FRAS1: variants seen among roughly 807,000 people sequenced by gnomAD.
The protein encoded by FRAS1 is Fraser extracellular matrix complex subunit 1.
In FRAS1, 290 loss-of-function variants were observed where a neutral mutation model predicts 435.2. The ratio of observed to expected loss-of-function variants is 0.67; its 90% CI spans 0.61 to 0.73. FRAS1 has a LOEUF of 0.73. Among genes scored for constraint, FRAS1 ranks in the 30% least tolerant of loss-of-function variants. FRAS1 has a pLI of 0.00. For synonymous variants in FRAS1, 1,800 were observed against 1,851.0 expected, an observed-to-expected ratio of 0.97 and a Z score of 0.71; for missense variants, 4,860 against 5,001.5, an observed-to-expected ratio of 0.97 and a Z score of 0.85.
At chr4:78,129,948 A>G (rs1425303545) in intron 2 of FRAS1, among the ~76,000 whole-genome samples, 1 of 152,030 alleles carries the variant, frequency 6.6e-6, no homozygotes, top group East Asian at 1.9e-4. Flanking sequence ...CCCCAATTTG[A>G]GGCTGCTTCT....
At chr4:78,267,807 G>A (rs1229061413) in intron 9 of FRAS1, among the ~76,000 whole-genome samples, 3 of 152,206 alleles carry the variant, frequency 2.0e-5, no homozygotes, top group Non-Finnish European at 4.4e-5. Context: ...GTGTGCTGGT[G>A]GCCGGGCTCT....
chr4:78,489,356 T>C (rs974063595), intron 59 of FRAS1, among the ~76,000 whole-genome samples: 1 of 152,208 alleles, frequency 6.6e-6, no homozygotes, highest in Non-Finnish European at 1.5e-5. Context: ...TTATGTGTCA[T>C]ATGTATCACA....
chr4:78,476,989 TAA>T (rs11355533), intron 54 of FRAS1, among the ~76,000 whole-genome samples: 113 of 143,222 alleles, frequency 7.9e-4, no homozygotes, highest in East Asian at 4.6e-3. Context: ...TCTTTCTTTT[TAA>T]AAAAAAAAAA....
intron 35 of FRAS1, 49 bp from the exon 36 acceptor site, chr4:78,429,026 GTGTGTGTGTGTGCGTGTCTC>G (rs1734105509): frequency 5.2e-6 from 7 of 1,340,490 alleles, no homozygotes; most frequent in Non-Finnish European, 7.1e-6. Flanking sequence ...AAGTTGATTC[GTGTGTGTGTGTGCGTGTCTC>G]TGTGTGTGTG....
At chr4:78,092,859 A>G (rs964289182) in intron 2 of FRAS1, among the ~76,000 whole-genome samples, 5 of 152,230 alleles carry the variant, frequency 3.3e-5, no homozygotes, top group African/African-American at 1.2e-4. Context: ...TAACTCCTGC[A>G]AATCCTCACA....
intron 42 of FRAS1, 97 bp downstream of exon 42, chr4:78,445,809 T>G: frequency 6.9e-7 from 1 of 1,453,100 alleles, no homozygotes; most frequent in South Asian, 1.7e-5. Context: ...CAAAGAAGAT[T>G]GGATTTGACC....
intron 15 of FRAS1, among the ~76,000 whole-genome samples, chr4:78,314,354 TCCCCCAAGACAGG>T (rs945685249): frequency 1.5e-4 from 23 of 152,200 alleles, no homozygotes; most frequent in South Asian, 2.1e-4. Flanking sequence ...ACATCACTTG[TCCCCCAAGACAGG>T]CCCCTGGAAG....
chr4:78,427,852 G>A (rs564480858), intron 35 of FRAS1, among the ~76,000 whole-genome samples: 10 of 152,280 alleles, frequency 6.6e-5, no homozygotes, highest in Non-Finnish European at 1.0e-4. Flanking sequence ...ATTACTACAC[G>A]TCGCTGAGCA....
At chr4:78,535,998 C>A (rs985882177) in intron 71 of FRAS1, among the ~76,000 whole-genome samples, 1 of 152,096 alleles carries the variant, frequency 6.6e-6, no homozygotes, top group Admixed American at 6.6e-5. Flanking sequence ...AAATCCTCCT[C>A]CCACTGCATC....
At chr4:78,227,325 A>G (rs745369636) in intron 2 of FRAS1, among the ~76,000 whole-genome samples, 1 of 152,218 alleles carries the variant, frequency 6.6e-6, no homozygotes, top group Non-Finnish European at 1.5e-5. Context: ...TCATTATATG[A>G]CATCTAGAAT....
At chr4:78,457,521 T>A (rs1384748693) in intron 47 of FRAS1, among the ~76,000 whole-genome samples, 1 of 152,196 alleles carries the variant, frequency 6.6e-6, no homozygotes, top group East Asian at 1.9e-4. Context: ...TTGTTATTGT[T>A]GTTTTAACCA....
intron 2 of FRAS1, among the ~76,000 whole-genome samples, chr4:78,122,960 C>T (rs58971129): frequency 0.28 from 42,214 of 151,476 alleles, 6,168 homozygotes; most frequent in African/African-American, 0.35. Flanking sequence ...TCTTTTGCTG[C>T]GAAGAAGCTC....
At position 78,262,034 on chromosome 4, in the gene FRAS1, T is replaced by C. The variant is rs541976215; in HGVS notation, c.604-2991T>C. Among the ~76,000 whole-genome samples, 8 of 152,266 alleles carry C rather than the reference T, an allele frequency of 5.3e-5. No individual in the cohort carries two copies. The South Asian group carries it at 1.7e-3, about 32-fold the overall frequency. On this transcript the variant is annotated intron_variant, in intron 6 of 73. Transcript: ENST00000512123. The stretch of plus-strand genomic sequence containing the variant: ...TTGAAAGCTGCAAGGGTAAGTAGAT[T>C]TATAGCCAGATGCTAGGAAATAAGC...
chr4:78,393,429 TCC>T (rs1732530630), intron 29 of FRAS1, among the ~76,000 whole-genome samples: 2 of 151,978 alleles, frequency 1.3e-5, no homozygotes, highest in African/African-American at 4.8e-5. Context: ...ACCATCCATC[TCC>T]CCGTTTCCCC....
At chr4:78,383,735 G>T (rs1732112209) in intron 27 of FRAS1, among the ~76,000 whole-genome samples, 1 of 152,132 alleles carries the variant, frequency 6.6e-6, no homozygotes, top group African/African-American at 2.4e-5. Context: ...TTAACCATTA[G>T]CCTACAATAT....
intron 47 of FRAS1, among the ~76,000 whole-genome samples, chr4:78,454,772 C>T (rs114866089): frequency 1.9e-3 from 289 of 152,282 alleles, no homozygotes; most frequent in Non-Finnish European, 2.9e-3. Flanking sequence ...CTGACCCCAG[C>T]TGTGTTAAGA....
intron 2 of FRAS1, among the ~76,000 whole-genome samples, chr4:78,150,131 T>C (rs1720583061): frequency 6.6e-6 from 1 of 152,226 alleles, no homozygotes. Context: ...TCCAGCAGCT[T>C]TGCCTGTTTT....
At chr4:78,083,458 C>T (rs907071035) in intron 2 of FRAS1, among the ~76,000 whole-genome samples, 1 of 152,074 alleles carries the variant, frequency 6.6e-6, no homozygotes, top group African/African-American at 2.4e-5. Context: ...CAAAGTGTTA[C>T]CCTTAGCATG....
chr4:78,150,417 G>C (rs1434417478), intron 2 of FRAS1, among the ~76,000 whole-genome samples: 5 of 152,142 alleles, frequency 3.3e-5, no homozygotes, highest in Non-Finnish European at 7.4e-5. Flanking sequence ...CATCTTCTCG[G>C]AACACAGATT....
Sources: allele counts gnomAD v4.1 joint callset (sites outside exome capture counted in the v4.1 genomes callset), GRCh38; gene constraint gnomAD v4.1.1; transcripts MANE v1.5; gene names NCBI Gene and HGNC (gene_info 2026-07-23, HGNC 2026-07-21).